TNS1: variants seen among roughly 807,000 people sequenced by gnomAD.
TNS1 encodes tensin-1.
Under a neutral mutation model 168.6 loss-of-function variants are expected in TNS1, and 62 were observed. That is an observed-to-expected ratio of 0.37 (90% CI 0.30 to 0.45). The LOEUF (loss-of-function observed/expected upper bound fraction) is 0.45, where lower values mean the gene tolerates loss of function less well. TNS1 is among the 20% of genes least tolerant of loss of function. The pLI is 1.00. For synonymous variants in TNS1, 934 were observed against 933.2 expected, an observed-to-expected ratio of 1.00 and a Z score of -0.02; for missense variants, 2,240 against 2,339.4, an observed-to-expected ratio of 0.96 and a Z score of 0.88.
In TNS1 at chr2:217,882,490, A is replaced by G. The variant is rs1369204483; in HGVS notation, c.1247-79T>C. 23 of 857,856 alleles carry G rather than the reference A, an allele frequency of 2.7e-5. No individual in the cohort carries two copies. In the South Asian group the frequency reaches 3.1e-4, roughly 12 times the overall value. The allele number at this position is 857,856 out of a possible 1,614,324, so 53.1% of individuals were successfully genotyped here. A position where few individuals can be genotyped will look rare whatever the true frequency, so the allele number is the denominator to read the frequency against. ...CATAAAAAGTTTTCTTCTAGAAAAA[A>G]TTAAAATACCATATATGTACATGGT... On this transcript the variant is annotated intron_variant, in intron 16 of 32. Transcript: ENST00000682258.
chr2:217,921,083 G>A lies in TNS1; in HGVS notation c.187-847C>T, dbSNP rs1222455268. Among the ~76,000 whole-genome samples, 4 of 152,110 alleles carry A rather than the reference G, an allele frequency of 2.6e-5. No individual in the cohort carries two copies. In the East Asian group the frequency reaches 7.7e-4, roughly 29 times the overall value. On this transcript the variant is annotated intron_variant, in intron 3 of 32. Coordinates refer to ENST00000682258, the MANE Select transcript of TNS1 (RefSeq NM_001387777.1). Reference sequence around the variant, plus strand: ...AAGGCTCCATCGCTCCCTTCCCTGAGATAACATTCCCCTGGCCAGGCCTGG... The same window carrying A: ...AAGGCTCCATCGCTCCCTTCCCTGAAATAACATTCCCCTGGCCAGGCCTGG...
Position 217,799,836 on chromosome 2 carries a change from C to A in TNS1, c.*4623G>T, listed in dbSNP as rs1313480127. 1 of 152,036 alleles carries A rather than the reference C, an allele frequency of 6.6e-6. No homozygotes were observed. Among genetic ancestry groups the A allele is most frequent in the Non-Finnish European group, 1.5e-5 (1 of 68,026 alleles). The allele number at this position is 152,036 out of a possible 1,614,324, so 9.4% of individuals were successfully genotyped here. ...ATTTATAAAGCCATACAATGCATTG[C>A]AAAGAAACAAAGCAGCTGTACAGGA... On this transcript the variant is annotated 3_prime_UTR_variant, in exon 33 of 33. Transcript: ENST00000682258.
Position 217,814,994 on chromosome 2 carries a change from G to T in TNS1, c.4647C>A (p.Asn1549Lys), listed in dbSNP as rs759173931. The T allele has an allele frequency of 6.2e-7, 1 of 1,611,476 alleles. No individual in the cohort carries two copies. The highest frequency in any genetic ancestry group is 8.5e-7 in the Non-Finnish European group (1 of 1,178,658). The change falls in exon 25 of 33, where the codon AAC (asparagine) becomes AAA (lysine). Residue 1549 changes from asparagine (N) to lysine (K), a missense_variant. This residue lies in a region of TNS1 where 2,131 missense variants were observed against 2,171.2 expected (regional missense o/e 0.98). Coordinates refer to ENST00000682258, the MANE Select transcript of TNS1 (RefSeq NM_001387777.1). ...PDFSKYSMPD[N>K]SPETRAKVKF... is the part of the protein sequence containing the mutation. The stretch of plus-strand genomic sequence containing the variant: ...TCACTTTAGCCCGCGTCTCCGGGCT[G>T]TTGTCTAAAGCAGGAGAAGGGAAGA...
At position 217,831,490 on chromosome 2, in the gene TNS1, T is replaced by G; in HGVS notation, c.3338A>C (p.His1113Pro). The G allele has an allele frequency of 6.3e-7, 1 of 1,586,996 alleles. No individual in the cohort carries two copies. Among genetic ancestry groups the G allele is most frequent in the Non-Finnish European group, 8.6e-7 (1 of 1,167,888 alleles). ...GTGCAACAGGATGTCCGCTGGGTTG[T>G]GAGGTTTCAGGCCCAGAGCAGACAG... Reference protein sequence around the residue: ...TPLSALGLKPHNPADILLHPT... With the variant: ...TPLSALGLKPPNPADILLHPT... Residue 1113 changes from histidine to proline, a missense_variant, in exon 22 of 33, where the codon CAC becomes CCC. Physicochemically the swap from His to Pro is moderately conservative, Grantham distance 77. Transcript: ENST00000682258.
At chr2:217,849,783 C>A (rs1947212287) in intron 18 of TNS1, 2 of 985,418 alleles carry the variant, frequency 2.0e-6, no homozygotes, top group Non-Finnish European at 2.4e-6. Flanking sequence ...CGGCCAGTCG[C>A]CCCGAGGATA....
At chr2:217,846,687 C>T (rs539224757) in intron 19 of TNS1, among the ~76,000 whole-genome samples, 1 of 152,226 alleles carries the variant, frequency 6.6e-6, no homozygotes, top group Non-Finnish European at 1.5e-5. Context: ...GGGAAGGGAA[C>T]CTCGCAGCTG....
At chr2:217,896,580 C>T (rs1952329354) in intron 8 of TNS1, among the ~76,000 whole-genome samples, 1 of 152,190 alleles carries the variant, frequency 6.6e-6, no homozygotes, top group African/African-American at 2.4e-5. Flanking sequence ...GGGAGCATGG[C>T]CCCGTCAACA....
At chr2:217,893,782 T>C (rs1951997808) in intron 9 of TNS1, among the ~76,000 whole-genome samples, 1 of 152,256 alleles carries the variant, frequency 6.6e-6, no homozygotes, top group African/African-American at 2.4e-5. Flanking sequence ...GTCCCGGGTC[T>C]TGGCCCTGGC....
At chr2:217,862,595 C>G (rs1948882533) in intron 18 of TNS1, among the ~76,000 whole-genome samples, 1 of 152,236 alleles carries the variant, frequency 6.6e-6, no homozygotes, top group South Asian at 2.1e-4. Context: ...AGAATCCCCG[C>G]ATGGTCAAGC....
chr2:217,904,334 C>A (rs183808761), intron 6 of TNS1, among the ~76,000 whole-genome samples: 2 of 152,234 alleles, frequency 1.3e-5, no homozygotes, highest in Non-Finnish European at 2.9e-5. Context: ...CACAGCTTGA[C>A]AAACAGCCAC....
intron 7 of TNS1, 48 bp downstream of exon 7, chr2:217,900,415 A>AC: frequency 2.0e-6 from 3 of 1,524,206 alleles, no homozygotes; most frequent in Non-Finnish European, 2.6e-6. Context: ...ACCCACAGTG[A>AC]CCCCCCTGCT....
At chr2:218,014,858 GGGAAGGAAGGACGGAAGGAA>G (rs369895058), upstream of TNS1, among the ~76,000 whole-genome samples, 2,998 of 136,066 alleles carry the variant, frequency 0.022, 65 homozygotes, top group South Asian at 0.07. Context: ...GATTGCAGGA[GGGAAGGAAGGACGGAAGGAA>G]GGAAGGAAGG....
At chr2:217,914,099 T>C (rs1954734806) in intron 4 of TNS1, among the ~76,000 whole-genome samples, 1 of 152,186 alleles carries the variant, frequency 6.6e-6, no homozygotes, top group Admixed American at 6.5e-5. Flanking sequence ...CTTCTATTTG[T>C]TCCAGACTTA....
intron 3 of TNS1, among the ~76,000 whole-genome samples, chr2:217,942,767 C>T (rs1191773929): frequency 1.6e-4 from 24 of 152,010 alleles, no homozygotes; most frequent in Admixed American, 1.0e-3. Context: ...CTCACCCCCA[C>T]AACCGCCTGC....
At chr2:217,962,577 G>T (rs1428541555) in intron 3 of TNS1, among the ~76,000 whole-genome samples, 2 of 152,178 alleles carry the variant, frequency 1.3e-5, no homozygotes, top group Non-Finnish European at 2.9e-5. Flanking sequence ...GAATGTCAGG[G>T]TGTCCATACT....
intron 19 of TNS1, among the ~76,000 whole-genome samples, chr2:217,837,109 C>A (rs1049755621): frequency 6.6e-6 from 1 of 152,150 alleles, no homozygotes; most frequent in East Asian, 1.9e-4. Flanking sequence ...CAGCCTGAAG[C>A]GTGGGCTTCT....
chr2:217,858,876 G>A (rs986626506), intron 18 of TNS1, among the ~76,000 whole-genome samples: 10 of 151,992 alleles, frequency 6.6e-5, no homozygotes, highest in African/African-American at 2.4e-4. Flanking sequence ...ATGACATCAC[G>A]GTGGCTTCCC....
intron 20 of TNS1, 36 bp downstream of exon 20, chr2:217,835,979 C>T (rs978689864): frequency 1.9e-6 from 3 of 1,567,206 alleles, no homozygotes; most frequent in Admixed American, 3.5e-5. Flanking sequence ...GGCACCACTA[C>T]CCTCCATAGC....
chr2:217,971,780 C>T (rs73080350), intron 3 of TNS1, among the ~76,000 whole-genome samples: 3,434 of 152,272 alleles, frequency 0.023, 130 homozygotes, highest in African/African-American at 0.078. Context: ...ATACAGACAT[C>T]GGTTTTCTTA....
Sources: gnomAD v4.1 joint callset for allele counts (sites outside exome capture counted in the v4.1 genomes callset) on GRCh38, gnomAD v4.1.1 for gene constraint, gnomAD v4.1.1 regional missense constraint, MANE v1.5 for transcripts, NCBI Gene and HGNC (gene_info 2026-07-23, HGNC 2026-07-21) for gene names.